The following PTPRZ1 variants were observed in gnomAD, a reference collection of about 807,000 sequenced individuals.
PTPRZ1 encodes the protein receptor-type tyrosine-protein phosphatase zeta.
A neutral mutation model predicts 214.1 loss-of-function variants in PTPRZ1; 82 were observed. That is an observed-to-expected ratio of 0.38 (90% CI 0.32 to 0.46). PTPRZ1 has a LOEUF of 0.46. PTPRZ1 is among the 20% of genes least tolerant of loss of function. The pLI is 1.00. For missense variants in PTPRZ1, 2,603 were observed against 2,748.7 expected, an observed-to-expected ratio of 0.95 and a Z score of 1.19; for synonymous variants, 945 against 987.9, an observed-to-expected ratio of 0.96 and a Z score of 0.81.
chr7:121,957,429 T>G (rs1796743472), intron 2 of PTPRZ1, among the ~76,000 whole-genome samples: 2 of 152,180 alleles, frequency 1.3e-5, no homozygotes, highest in African/African-American at 4.8e-5. Context: ...TCACCACTGC[T>G]TCTTCCAATA....
At chr7:122,040,474 T>C (rs1050812202) in intron 20 of PTPRZ1, among the ~76,000 whole-genome samples, 5 of 152,168 alleles carry the variant, frequency 3.3e-5, no homozygotes, top group African/African-American at 1.2e-4. Flanking sequence ...TTCAAGTGGT[T>C]GAATGGAGCT....
chr7:121,989,626 G>A (rs187350236), intron 8 of PTPRZ1, among the ~76,000 whole-genome samples: 1 of 152,110 alleles, frequency 6.6e-6, no homozygotes, highest in Admixed American at 6.5e-5. Context: ...CGCCCACCTC[G>A]GCCTCCCAAA....
intron 1 of PTPRZ1, among the ~76,000 whole-genome samples, chr7:121,884,399 A>T (rs1324913423): frequency 6.6e-6 from 1 of 152,158 alleles, no homozygotes; most frequent in Non-Finnish European, 1.5e-5. Context: ...TTTCATATAT[A>T]TGCATTTTTT....
Position 121,935,142 on chromosome 7 carries a change from C to T in PTPRZ1, c.124+6921C>T, listed in dbSNP as rs116780841. On this transcript the variant is annotated intron_variant, in intron 2 of 29. Transcript: ENST00000393386. ...AATATGCTTAACAATTTTATTTGGT[C>T]GCAACTCTTATGTAGTATGGACTTA... Among the ~76,000 whole-genome samples the T allele has an allele frequency of 9.5e-3, 1,449 of 152,110 alleles. 22 individuals carry two copies. The highest frequency in any genetic ancestry group is 0.031 in the African/African-American group (1,299 of 41,470).
At chr7:121,896,280 A>G (rs1023109516) in intron 1 of PTPRZ1, among the ~76,000 whole-genome samples, 1 of 152,188 alleles carries the variant, frequency 6.6e-6, no homozygotes, top group African/African-American at 2.4e-5. Context: ...TCTAACTAGA[A>G]TGTCTTAATC....
chr7:121,946,781 CACTG>C (rs1796390094), intron 2 of PTPRZ1, among the ~76,000 whole-genome samples: 1 of 152,048 alleles, frequency 6.6e-6, no homozygotes, highest in Non-Finnish European at 1.5e-5. Context: ...GATCCTGTAC[CACTG>C]ACTAAGATAC....
At chr7:121,919,960 A>T (rs1037213845) in intron 1 of PTPRZ1, among the ~76,000 whole-genome samples, 2 of 152,154 alleles carry the variant, frequency 1.3e-5, no homozygotes, top group Non-Finnish European at 2.9e-5. Context: ...GTGAGATTTG[A>T]CCTATTCATT....
In PTPRZ1 at chr7:122,053,916, T is replaced by C. The variant is rs1461353806; in HGVS notation, c.6259T>C (p.Tyr2087His). The C allele has an allele frequency of 1.9e-6, 3 of 1,612,844 alleles. No individual in the cohort carries two copies. The highest frequency in any genetic ancestry group is 1.1e-5 in the South Asian group (1 of 91,034). Residue 2087 changes from tyrosine to histidine, a missense_variant, in exon 26 of 30, where the codon TAC (tyrosine) becomes CAC (histidine). Transcript: ENST00000393386. ...YINASYIMGYYQSNEFIITQH... is the reference protein window; with the variant it reads ...YINASYIMGYHQSNEFIITQH... The stretch of plus-strand genomic sequence containing the variant: ...CTTCTCTTTGGTTTTGTAGGGCTAT[T>C]ACCAGAGCAATGAATTCATCATTAC...
At chr7:122,024,874 A>G (rs1191065202) in intron 13 of PTPRZ1, among the ~76,000 whole-genome samples, 1 of 152,158 alleles carries the variant, frequency 6.6e-6, no homozygotes, top group Non-Finnish European at 1.5e-5. Flanking sequence ...TTATTGGTAC[A>G]TCCTCTATCG....
chr7:121,999,501 T>TA (rs928844979), intron 10 of PTPRZ1, among the ~76,000 whole-genome samples: 14 of 152,172 alleles, frequency 9.2e-5, no homozygotes, highest in Non-Finnish European at 1.6e-4. Flanking sequence ...ATATGGCATA[T>TA]AAAAAAATCT....
chr7:121,943,691 A>T (rs190041670), intron 2 of PTPRZ1, among the ~76,000 whole-genome samples: 1 of 152,264 alleles, frequency 6.6e-6, no homozygotes, highest in Admixed American at 6.5e-5. Context: ...CATCAGAATT[A>T]CCTGGAGGGC....
chr7:121,941,975 TTTC>T (rs2116424229), intron 2 of PTPRZ1, among the ~76,000 whole-genome samples: 1 of 152,314 alleles, frequency 6.6e-6, no homozygotes, highest in East Asian at 1.9e-4. Context: ...ACAACTTGAT[TTTC>T]TTCTCTGCTG....
intron 27 of PTPRZ1, 42 bp downstream of exon 27, chr7:122,055,129 C>T: frequency 1.4e-6 from 2 of 1,414,042 alleles, no homozygotes; most frequent in Admixed American, 2.3e-5. Flanking sequence ...ATCTTAAACA[C>T]ATGTTAAACA....
chr7:121,994,329 C>T (rs1373089393), intron 8 of PTPRZ1, among the ~76,000 whole-genome samples: 3 of 96,044 alleles, frequency 3.1e-5, no homozygotes, highest in African/African-American at 8.0e-5. Context: ...GAGTCTTGCT[C>T]TGTTGCCCCG....
At position 121,962,620 on chromosome 7, in the gene PTPRZ1, A is replaced by G. The variant is rs527261107; in HGVS notation, c.125-5331A>G. On this transcript the variant is annotated intron_variant, in intron 2 of 29. Transcript: ENST00000393386. ...TGCTCTGTTGCCCAGGCTGGAGTGC[A>G]GTGGTGCAATCTTGGCTCACTGCAA... Among the ~76,000 whole-genome samples, 143 of 150,360 alleles carry G rather than the reference A, an allele frequency of 9.5e-4. 3 individuals are homozygous for G. The highest frequency in any genetic ancestry group is 3.1e-3 in the African/African-American group (127 of 40,884).
intron 8 of PTPRZ1, among the ~76,000 whole-genome samples, chr7:121,984,887 G>T (rs1293633326): frequency 6.6e-6 from 1 of 152,050 alleles, no homozygotes; most frequent in African/African-American, 2.4e-5. Context: ...TACTGAGGTT[G>T]TCACTTGTTC....
In PTPRZ1 at chr7:122,010,933, T is replaced by C; in HGVS notation, c.1887T>C (p.Asn629=). 8 of 1,614,042 alleles carry C rather than the reference T, an allele frequency of 5.0e-6. No individual in the cohort carries two copies. The highest frequency in any genetic ancestry group is 6.8e-6 in the Non-Finnish European group (8 of 1,179,984). Residue 629 remains asparagine (N), a synonymous_variant, in exon 12 of 30, where the codon AAT becomes AAC. Coordinates refer to ENST00000393386, the MANE Select transcript of PTPRZ1 (RefSeq NM_002851.3). ...TCCTTATACCAGAATCTGCTAGAAATGCTTCCGAAGATTCAACTTCATCAG... is the reference window on the plus strand; with the variant it reads ...TCCTTATACCAGAATCTGCTAGAAACGCTTCCGAAGATTCAACTTCATCAG... ...YDVLIPESAR[N]ASEDSTSSGS... is the part of the protein sequence containing the mutation.
intron 29 of PTPRZ1, among the ~76,000 whole-genome samples, chr7:122,060,718 T>C (rs1167369546): frequency 6.6e-6 from 1 of 152,136 alleles, no homozygotes; most frequent in East Asian, 1.9e-4. Context: ...TTCTAACAAG[T>C]AGAGAAAGAA....
chr7:121,935,277 T>C (rs1305378879), intron 2 of PTPRZ1, among the ~76,000 whole-genome samples: 1 of 152,142 alleles, frequency 6.6e-6, no homozygotes, highest in African/African-American at 2.4e-5. Flanking sequence ...AAAAAAAAGT[T>C]AAAATTGCAT....
Sources: gnomAD v4.1 joint callset for allele counts (sites outside exome capture counted in the v4.1 genomes callset) on GRCh38, gnomAD v4.1.1 for gene constraint, MANE v1.5 for transcripts, NCBI Gene and HGNC (gene_info 2026-07-23, HGNC 2026-07-21) for gene names.